The following COL4A3 variants were observed in gnomAD, a reference collection of about 807,000 sequenced individuals.
The protein encoded by COL4A3 is collagen type IV alpha 3 chain, also known as collagen alpha-3(IV) chain.
Under a neutral mutation model 217.4 loss-of-function variants are expected in COL4A3, and 135 were observed. The ratio of observed to expected loss-of-function variants is 0.62; its 90% CI spans 0.54 to 0.72. The LOEUF is 0.72. Ranked by LOEUF, COL4A3 falls within the 30% of genes least tolerant of loss-of-function variation. The pLI, the probability that COL4A3 is intolerant of heterozygous loss-of-function variation, is 0.00. For missense variants in COL4A3, 1,868 were observed against 2,119.9 expected (o/e 0.88, Z 2.33); for synonymous variants, 690 against 736.3 (o/e 0.94, Z 1.02).
intron 9 of COL4A3, among the ~76,000 whole-genome samples, chr2:227,249,230 A>ATATATATATTTTTTTT: frequency 2.0e-4 from 3 of 14,690 alleles, no homozygotes; most frequent in African/African-American, 5.3e-4. Context: ...ATATATATAT[A>ATATATATATTTTTTTT]TTTTTTTTTT....
chr2:227,173,747 A>G (rs1007201199), intron 1 of COL4A3, among the ~76,000 whole-genome samples: 2 of 152,256 alleles, frequency 1.3e-5, no homozygotes, highest in Non-Finnish European at 2.9e-5. Context: ...TACATCTGTA[A>G]TATTATCATT....
At chr2:227,262,110 A>G (rs764826381) in intron 20 of COL4A3, among the ~76,000 whole-genome samples, 1 of 152,128 alleles carries the variant, frequency 6.6e-6, no homozygotes, top group Non-Finnish European at 1.5e-5. Context: ...AACTATAAGT[A>G]TACTATAATT....
chr2:227,170,694 C>T (rs866954348), intron 1 of COL4A3, among the ~76,000 whole-genome samples: 2 of 151,976 alleles, frequency 1.3e-5, no homozygotes, highest in Non-Finnish European at 2.9e-5. Context: ...CAGGGCAATG[C>T]TAAATAAAAG....
chr2:227,197,255 C>G (rs11690969), intron 1 of COL4A3, among the ~76,000 whole-genome samples: 2 of 151,964 alleles, frequency 1.3e-5, no homozygotes, highest in Admixed American at 6.6e-5. Context: ...CTCGCTCTGT[C>G]GCCCAGGTTG....
At chr2:227,188,435 A>G (rs1019349540) in intron 1 of COL4A3, among the ~76,000 whole-genome samples, 1 of 148,952 alleles carries the variant, frequency 6.7e-6, no homozygotes, top group African/African-American at 2.5e-5. Context: ...AACACAAAAT[A>G]CTTTTACATA....
rs2069482414 is a variant in COL4A3 at position 227,248,403 on chromosome 2, A to G, written c.469-40A>G. The G allele has an allele frequency of 3.1e-6, 4 of 1,280,438 alleles. No homozygotes were observed. The South Asian group carries it at 4.7e-5, about 15-fold the overall frequency. 79.3% of individuals were successfully genotyped at this position (1,280,438 alleles called of 1,614,324 possible). A position where few individuals can be genotyped will look rare whatever the true frequency, so the allele number is the denominator to read the frequency against. On this transcript the variant is annotated intron_variant, in intron 8 of 51. Transcript: ENST00000396578. ...AAGCACTTGAAGGGGTTTTGAAAAT[A>G]TAACATTGATGATGTTTGATGAACT...
At position 227,253,727 on chromosome 2, in the gene COL4A3, T is replaced by TTAGA; in HGVS notation, c.765+91_765+92insGATA. ...CCTGCACCTCTTTTACAAGCTCTTGTTATCTAAGTCCAGCTCAGCCCAGCT... is the reference window on the plus strand; with the variant it reads ...CCTGCACCTCTTTTACAAGCTCTTGTTAGATATCTAAGTCCAGCTCAGCCCAGCT... On this transcript the variant is annotated intron_variant, in intron 13 of 51. Coordinates refer to ENST00000396578, the MANE Select transcript of COL4A3 (RefSeq NM_000091.5). This position sits in a 1 kb window ranked among gnomAD's most constrained non-coding sequence, Gnocchi z 4.4. The TTAGA allele has an allele frequency of 8.6e-7, 1 of 1,158,418 alleles. No individual in the cohort carries two copies. The allele number at this position is 1,158,418 out of a possible 1,614,324, so 71.8% of individuals were successfully genotyped here.
chr2:227,283,882 T>C (rs563318177), intron 33 of COL4A3, 26 bp downstream of exon 33: 24 of 1,549,476 alleles, frequency 1.5e-5, no homozygotes, highest in South Asian at 1.2e-4. Flanking sequence ...TCTTTCTAAA[T>C]AGCAGGAAGC....
At chr2:227,174,157 T>C (rs2065591355) in intron 1 of COL4A3, among the ~76,000 whole-genome samples, 1 of 152,200 alleles carries the variant, frequency 6.6e-6, no homozygotes, top group African/African-American at 2.4e-5. Flanking sequence ...TTTAAATCTA[T>C]ACAAATTAGC....
chr2:227,301,093 C>A (rs1418760612), intron 43 of COL4A3, among the ~76,000 whole-genome samples: 1 of 151,608 alleles, frequency 6.6e-6, no homozygotes, highest in Non-Finnish European at 1.5e-5. Flanking sequence ...ACTTGCTGAT[C>A]CAAGAAACAC....
chr2:227,267,677 C>G (rs939052039), intron 23 of COL4A3, among the ~76,000 whole-genome samples: 3 of 151,966 alleles, frequency 2.0e-5, no homozygotes, highest in African/African-American at 7.3e-5. Context: ...ACATGTCAGG[C>G]CCTGCATTAA....
chr2:227,200,435 C>T (rs2066641050), intron 1 of COL4A3, among the ~76,000 whole-genome samples: 1 of 152,180 alleles, frequency 6.6e-6, no homozygotes, highest in Admixed American at 6.5e-5. Flanking sequence ...TTCTGTTCTG[C>T]ATAAGGCCAG....
At chr2:227,244,246 G>T in intron 3 of COL4A3, 74 bp from the exon 4 acceptor site, 1 of 1,240,380 alleles carries the variant, frequency 8.1e-7, no homozygotes, top group Non-Finnish European at 1.2e-6. Flanking sequence ...ACTGAGACTG[G>T]GTTTGATGTA....
intron 1 of COL4A3, among the ~76,000 whole-genome samples, chr2:227,168,712 A>G (rs1463311329): frequency 6.6e-6 from 1 of 151,964 alleles, no homozygotes; most frequent in Non-Finnish European, 1.5e-5. Flanking sequence ...GATTATAGGA[A>G]TGTTCTCCTA....
intron 1 of COL4A3, among the ~76,000 whole-genome samples, chr2:227,225,193 ACC>A (rs1295118556): frequency 1.3e-5 from 2 of 152,220 alleles, no homozygotes; most frequent in Non-Finnish European, 2.9e-5. Context: ...GGTGTGAGCC[ACC>A]TGGCCTAAAC....
At chr2:227,260,734 G>A (rs1458955213) in intron 19 of COL4A3, among the ~76,000 whole-genome samples, 5 of 152,136 alleles carry the variant, frequency 3.3e-5, no homozygotes, top group Non-Finnish European at 7.4e-5. Flanking sequence ...AATCTAAGAT[G>A]GAACACCAAG....
intron 1 of COL4A3, among the ~76,000 whole-genome samples, chr2:227,192,167 A>G (rs1012990070): frequency 6.6e-6 from 1 of 152,230 alleles, no homozygotes; most frequent in African/African-American, 2.4e-5. Context: ...GTCATTGAAA[A>G]ACAGATGGTA....
At chr2:227,308,758 C>T (rs1420705651) in intron 48 of COL4A3, 141 bp from the exon 49 acceptor site, 10 of 858,808 alleles carry the variant, frequency 1.2e-5, no homozygotes, top group East Asian at 1.0e-4. Flanking sequence ...CTTTTCAATA[C>T]TACATTTTGC....
At chr2:227,180,455 T>C (rs2065833529) in intron 1 of COL4A3, among the ~76,000 whole-genome samples, 2 of 152,150 alleles carry the variant, frequency 1.3e-5, no homozygotes, top group Admixed American at 6.6e-5. Context: ...GACGGAACAT[T>C]CAGAGCCCAT....
Sources: gnomAD v4.1 joint callset for allele counts (sites outside exome capture counted in the v4.1 genomes callset) on GRCh38, gnomAD v4.1.1 for gene constraint, Gnocchi (gnomAD v3.1) non-coding constraint, MANE v1.5 for transcripts, NCBI Gene and HGNC (gene_info 2026-07-23, HGNC 2026-07-21) for gene names.